AMPH: variants seen among roughly 807,000 people sequenced by gnomAD.
The protein encoded by AMPH is amphiphysin (Stiff-Mann syndrome with breast cancer 128kD autoantigen).
In AMPH, 49 loss-of-function variants were observed where a neutral mutation model predicts 99.1. The observed-to-expected ratio is 0.49, with a 90% confidence interval of 0.39 to 0.63. The LOEUF is 0.63. Among genes scored for constraint, AMPH ranks in the 20% least tolerant of loss-of-function variants. The pLI is 0.00. For synonymous variants in AMPH, 314 were observed against 317.3 expected (o/e 0.99, Z 0.11); for missense variants, 759 against 863.4 (o/e 0.88, Z 1.52).
intron 1 of AMPH, among the ~76,000 whole-genome samples, chr7:38,590,889 T>C (rs1038788115): frequency 6.6e-6 from 1 of 152,194 alleles, no homozygotes; most frequent in African/African-American, 2.4e-5. Context: ...ATAACTTTCA[T>C]AAAATGTAAG....
chr7:38,626,466 T>C (rs934141596), intron 1 of AMPH, among the ~76,000 whole-genome samples: 1 of 152,178 alleles, frequency 6.6e-6, no homozygotes, highest in East Asian at 1.9e-4. Context: ...ATTTACTAAA[T>C]GGTGCTCGGA....
chr7:38,543,854 CTA>C (rs1790900163), intron 1 of AMPH, among the ~76,000 whole-genome samples: 1 of 152,092 alleles, frequency 6.6e-6, no homozygotes, highest in African/African-American at 2.4e-5. Flanking sequence ...ATACCAAAGA[CTA>C]TATATCCATC....
At chr7:38,417,052 C>A (rs1258636877) in intron 17 of AMPH, among the ~76,000 whole-genome samples, 1 of 152,030 alleles carries the variant, frequency 6.6e-6, no homozygotes, top group East Asian at 1.9e-4. Context: ...GTAAATGGTA[C>A]CCTGATTGAA....
chr7:38,613,233 T>A (rs1335256489), intron 1 of AMPH, among the ~76,000 whole-genome samples: 1 of 152,202 alleles, frequency 6.6e-6, no homozygotes, highest in East Asian at 1.9e-4. Flanking sequence ...CTTTCTGTAA[T>A]TCTAGCATTT....
intron 17 of AMPH, among the ~76,000 whole-genome samples, chr7:38,405,698 C>T (rs572313693): frequency 3.2e-4 from 49 of 152,182 alleles, no homozygotes; most frequent in African/African-American, 1.1e-3. Context: ...ATACATCCAA[C>T]ACCAGAGCAC....
intron 4 of AMPH, among the ~76,000 whole-genome samples, chr7:38,493,311 C>T (rs1788799982): frequency 6.6e-6 from 1 of 152,186 alleles, no homozygotes; most frequent in Admixed American, 6.5e-5. Context: ...TGACAAACAA[C>T]TGCTCTTCGT....
intron 2 of AMPH, among the ~76,000 whole-genome samples, chr7:38,510,589 A>T (rs1789501217): frequency 1.3e-5 from 2 of 152,202 alleles, no homozygotes; most frequent in South Asian, 4.1e-4. Context: ...TTATTATGAG[A>T]AAACAGAGGC....
intron 11 of AMPH, among the ~76,000 whole-genome samples, chr7:38,444,208 C>A (rs527255447): frequency 2.0e-5 from 3 of 152,170 alleles, no homozygotes; most frequent in African/African-American, 7.2e-5. Context: ...AGATATACTG[C>A]GTCTATGCGT....
chr7:38,473,680 C>T lies in AMPH; in HGVS notation c.590+1651G>A, dbSNP rs1374506456. ...GATTGCGCCACTGCAGTCCGCAGTC[C>T]GACCTGGGCGACAGAGCGAGACTCC... is the stretch of plus-strand genomic sequence containing the variant. On this transcript the variant is annotated intron_variant, in intron 7 of 20. Transcript: ENST00000356264. Among the ~76,000 whole-genome samples, 15 of 48,220 alleles carry T rather than the reference C, an allele frequency of 3.1e-4. 6 individuals are homozygous for T. The highest frequency in any genetic ancestry group is 8.5e-4 in the Admixed American group (2 of 2,362). 31.6% of individuals were successfully genotyped at this position (48,220 alleles called of 152,430 possible).
intron 11 of AMPH, among the ~76,000 whole-genome samples, chr7:38,443,795 A>C (rs892501322): frequency 3.3e-4 from 50 of 152,264 alleles, no homozygotes; most frequent in African/African-American, 1.2e-3. Context: ...GACAAGGGTG[A>C]CTGCTTTACT....
Position 38,426,852 on chromosome 7 carries a change from TTAA to T in AMPH, c.1215+99_1215+101del, listed in dbSNP as rs1335258874. 5 of 1,072,800 alleles carry T rather than the reference TTAA, an allele frequency of 4.7e-6. No individual in the cohort carries two copies. The African/African-American group carries it at 4.7e-5, about 10-fold the overall frequency. The allele number at this position is 1,072,800 out of a possible 1,614,324, so 66.5% of individuals were successfully genotyped here. ...GGGGTCCAATTTTGTGCTGATATTC[TTAA>T]TCATTACGCTATACTAGTGGCACAG... On this transcript the variant is annotated intron_variant, in intron 15 of 20. Coordinates refer to ENST00000356264, the MANE Select transcript of AMPH (RefSeq NM_001635.4).
intron 11 of AMPH, among the ~76,000 whole-genome samples, chr7:38,456,899 C>A (rs983075770): frequency 1.3e-5 from 2 of 152,212 alleles, no homozygotes; most frequent in African/African-American, 4.8e-5. Context: ...ACTGGTCAAC[C>A]TGGCATCCTT....
chr7:38,433,703 C>T (rs1221093772), intron 12 of AMPH, among the ~76,000 whole-genome samples: 1 of 48,008 alleles, frequency 2.1e-5, no homozygotes, highest in Non-Finnish European at 3.3e-5. Flanking sequence ...CCAGCCTGGG[C>T]AACAGAGCGA....
intron 1 of AMPH, among the ~76,000 whole-genome samples, chr7:38,583,295 A>G (rs927244676): frequency 1.3e-5 from 2 of 152,228 alleles, no homozygotes; most frequent in Non-Finnish European, 2.9e-5. Context: ...TTATTCTTCA[A>G]TCTTTCAAGT....
At chr7:38,464,076 T>A in intron 9 of AMPH, 1 of 1,289,758 alleles carries the variant, frequency 7.8e-7, no homozygotes, top group East Asian at 5.5e-5. Context: ...GAGATGCCAC[T>A]GAGCTCACTC....
In AMPH at chr7:38,559,117, A is replaced by G. The variant is rs931268602; in HGVS notation, c.70-24106T>C. On this transcript the variant is annotated intron_variant, in intron 1 of 20. Transcript: ENST00000356264. ...AATTCATGTGTTTTCCAGCCTTCTC[A>G]GGTTCCTAGGGACCCACAAAGTGTG... is the stretch of plus-strand genomic sequence containing the variant. Among the ~76,000 whole-genome samples the G allele has an allele frequency of 2.2e-4, 34 of 152,228 alleles. 1 individual carries two copies. The highest frequency in any genetic ancestry group is 6.8e-4 in the African/African-American group (28 of 41,458).
chr7:38,467,289 C>G (rs1019290), intron 7 of AMPH, among the ~76,000 whole-genome samples: 52,348 of 151,946 alleles, frequency 0.34, 9,629 homozygotes, highest in East Asian at 0.54. Flanking sequence ...CAAAGGAGAA[C>G]ACTTGCACCT....
intron 2 of AMPH, among the ~76,000 whole-genome samples, chr7:38,511,306 T>C (rs927223082): frequency 1.3e-5 from 2 of 152,356 alleles, no homozygotes; most frequent in Middle Eastern, 3.4e-3. Flanking sequence ...AATATCTTCA[T>C]GAGGAAGATG....
At chr7:38,552,096 T>C (rs1168146411) in intron 1 of AMPH, among the ~76,000 whole-genome samples, 7 of 152,240 alleles carry the variant, frequency 4.6e-5, no homozygotes, top group Non-Finnish European at 8.8e-5. Context: ...ATATGCCAAG[T>C]ACATTTTGAA....
Sources: gnomAD v4.1 joint callset for allele counts (sites outside exome capture counted in the v4.1 genomes callset) on GRCh38, gnomAD v4.1.1 for gene constraint, MANE v1.5 for transcripts, NCBI Gene and HGNC (gene_info 2026-07-23, HGNC 2026-07-21) for gene names.